The following ASPG variants were observed in gnomAD, a reference collection of about 807,000 sequenced individuals.
ASPG encodes the protein 60 kDa lysophospholipase.
A neutral mutation model predicts 63.2 loss-of-function variants in ASPG; 53 were observed. The observed-to-expected ratio is 0.84, with a 90% confidence interval of 0.67 to 1.05. The LOEUF (loss-of-function observed/expected upper bound fraction) is 1.05. Ranked by LOEUF, ASPG falls within the 50% of genes least tolerant of loss-of-function variation. ASPG has a pLI of 0.00. For missense variants in ASPG, 741 were observed against 794.4 expected (o/e 0.93, Z 0.81); for synonymous variants, 370 against 355.0 (o/e 1.04, Z -0.48).
chr14:104,113,126 G>A lies in ASPG; in HGVS notation c.*582G>A, dbSNP rs1415435860. The A allele has an allele frequency of 7.5e-4, 130 of 172,816 alleles. 1 individual carries two copies. The highest frequency in any genetic ancestry group is 2.1e-4 in the Non-Finnish European group (17 of 80,792). The allele number at this position is 172,816 out of a possible 1,614,324, so 10.7% of individuals were successfully genotyped here. On this transcript the variant is annotated 3_prime_UTR_variant, in exon 16 of 16. Transcript: ENST00000551177. Reference sequence around the variant, plus strand: ...GGTTTTCTGTCACCCCAGTATCGCTGCACCCGGCCCCCCTCTCAGGCCAGG... The same window carrying A: ...GGTTTTCTGTCACCCCAGTATCGCTACACCCGGCCCCCCTCTCAGGCCAGG...
chr14:104,097,930 G>GCGTATGGAGGTTCTGCGTTAGAGATA (rs2036678764), intron 5 of ASPG, among the ~76,000 whole-genome samples: 11 of 45,024 alleles, frequency 2.4e-4, no homozygotes, highest in South Asian at 9.4e-4. Flanking sequence ...CGTTAGAGAT[G>GCGTATGGAGGTTCTGCGTTAGAGATA]CGTATGGAGG....
In ASPG at chr14:104,098,941, A is replaced by G. The variant is rs769472902; in HGVS notation, c.602A>G (p.Asn201Ser). The change falls in exon 6 of 16, where the codon AAC becomes AGC. Residue 201 changes from asparagine to serine, a missense_variant. Physicochemically the swap from Asn to Ser is conservative, Grantham distance 46. Coordinates refer to ENST00000551177, the MANE Select transcript of ASPG (RefSeq NM_001080464.3). ...AGGTTCGCAGCTTTCTGCTCCCCGA[A>G]CCTGCTGCCTCTGGCCACAGTGGGT... ...ARRFAAFCSP[N>S]LLPLATVGAD... The G allele has an allele frequency of 5.6e-6, 9 of 1,603,142 alleles. No individual in the cohort carries two copies. The South Asian group carries it at 9.0e-5, about 16-fold the overall frequency.
In ASPG at chr14:104,111,614, A is replaced by G. The variant is rs1192569275; in HGVS notation, c.1620+13A>G. ...CGCCCTGCACGTCGTGAGTGCCCCC[A>G]CCCCCTGCACCCTCTCCAAAGGCTG... On this transcript the variant is annotated intron_variant, in intron 14 of 15. Coordinates refer to ENST00000551177, the MANE Select transcript of ASPG (RefSeq NM_001080464.3). The G allele has an allele frequency of 1.9e-6, 3 of 1,545,548 alleles. No individual in the cohort carries two copies. In the African/African-American group the frequency reaches 4.1e-5, roughly 21 times the overall value.
rs893896868 is a variant in ASPG at position 104,109,066 on chromosome 14, G to A, written c.1434-163G>A. The A allele has an allele frequency of 2.0e-6, 2 of 985,350 alleles. 1 individual carries two copies. The highest frequency in any genetic ancestry group is 3.5e-5 in the African/African-American group (2 of 57,242). 61.0% of individuals were successfully genotyped at this position (985,350 alleles called of 1,614,324 possible). On this transcript the variant is annotated intron_variant, in intron 12 of 15. Coordinates refer to ENST00000551177, the MANE Select transcript of ASPG (RefSeq NM_001080464.3). The surrounding 1 kb of genome is among the most constrained non-coding windows in gnomAD (Gnocchi z 4.8). ...GGATGATGTCACATGGGCCTAGGCA[G>A]AGGATGGGGGGATGGGCCCTTGTCT...
Position 104,109,334 on chromosome 14 carries a change from C to T in ASPG, c.1520+19C>T. The T allele has an allele frequency of 6.3e-7, 1 of 1,591,148 alleles. No homozygotes were observed. Among genetic ancestry groups the T allele is most frequent in the Non-Finnish European group, 8.6e-7 (1 of 1,167,806 alleles). On this transcript the variant is annotated intron_variant, in intron 13 of 15. Coordinates refer to ENST00000551177, the MANE Select transcript of ASPG (RefSeq NM_001080464.3). The surrounding 1 kb of genome is among the most constrained non-coding windows in gnomAD (Gnocchi z 4.8). The stretch of plus-strand genomic sequence containing the variant: ...TGTGCAGGTGAGTGCAGCTAGAGCA[C>T]CTGCTCTTCCAGGGATGTGGGGGAC...
In ASPG at chr14:104,104,752, G is replaced by A. The variant is rs764291587; in HGVS notation, c.1050+17G>A. The A allele has an allele frequency of 2.5e-6, 4 of 1,573,408 alleles. No individual in the cohort carries two copies. Among genetic ancestry groups the A allele is most frequent in the Non-Finnish European group, 1.7e-6 (2 of 1,154,996 alleles). On this transcript the variant is annotated intron_variant, in intron 9 of 15. Coordinates refer to ENST00000551177, the MANE Select transcript of ASPG (RefSeq NM_001080464.3). ...AGGAAGGAGGTGCGGGCGCTCTCGGGCTGTGGGCAACCCTCGGTGTGCACA... is the reference window on the plus strand; with the variant it reads ...AGGAAGGAGGTGCGGGCGCTCTCGGACTGTGGGCAACCCTCGGTGTGCACA...
rs527597220 is a variant in ASPG at position 104,101,417 on chromosome 14, C to T, written c.641-2146C>T. The stretch of plus-strand genomic sequence containing the variant: ...TGGGAAGTGAGGGGCTGGGCTGGTC[C>T]GGGAGTCATGGGCGGGCTTGGTGCT... On this transcript the variant is annotated intron_variant, in intron 6 of 15. Transcript: ENST00000551177. Among the ~76,000 whole-genome samples the T allele has an allele frequency of 5.3e-5, 8 of 152,094 alleles. No individual in the cohort carries two copies. The South Asian group carries it at 1.5e-3, about 28-fold the overall frequency.
Position 104,085,764 on chromosome 14 carries a change from G to C in ASPG, c.-7G>C. ...CCCCCGTCCACTCCCGTGGTCCCCG[G>C]TCCGGCATGGCGCGCGCGGTGGGGC... On this transcript the variant is annotated 5_prime_UTR_variant, in exon 1 of 16. Coordinates refer to ENST00000551177, the MANE Select transcript of ASPG (RefSeq NM_001080464.3). The C allele has an allele frequency of 1.9e-6, 3 of 1,574,850 alleles. No individual in the cohort carries two copies. The highest frequency in any genetic ancestry group is 2.6e-6 in the Non-Finnish European group (3 of 1,168,708).
chr14:104,112,114 G>A (rs2037401120), intron 15 of ASPG, 114 bp downstream of exon 15: 1 of 1,017,996 alleles, frequency 9.8e-7, no homozygotes. Flanking sequence ...AGGCTGAGAT[G>A]GGTCCCAGCC....
intron 13 of ASPG, chr14:104,111,161 G>A: frequency 2.0e-6 from 2 of 985,386 alleles, no homozygotes; most frequent in Non-Finnish European, 2.4e-6. Flanking sequence ...ATGTGTGTGT[G>A]CACATATGCT....
intron 1 of ASPG, among the ~76,000 whole-genome samples, chr14:104,089,845 G>A (rs1190890465): frequency 2.0e-5 from 3 of 149,880 alleles, no homozygotes; most frequent in Non-Finnish European, 4.4e-5. Flanking sequence ...CTACTCGGGA[G>A]GCTAAGGCAG....
intron 4 of ASPG, among the ~76,000 whole-genome samples, chr14:104,096,936 G>A (rs2036621116): frequency 6.6e-6 from 1 of 152,220 alleles, no homozygotes; most frequent in African/African-American, 2.4e-5. Context: ...GCCCTCCTGG[G>A]ACGCGCTGTT....
chr14:104,097,578 G>GA lies in ASPG; in HGVS notation c.455dup (p.Asp152GlufsTer4). On this transcript the variant is annotated frameshift_variant, in exon 5 of 16. Coordinates refer to ENST00000551177, the MANE Select transcript of ASPG (RefSeq NM_001080464.3). LOFTEE classifies it high-confidence loss of function. ...GGTGCCCATCCATGCCCTGTGGAGC[G>GA]ACGGCCGTGAGAACCTGCTGGGGGC... The GA allele has an allele frequency of 6.4e-7, 1 of 1,558,428 alleles. No individual in the cohort carries two copies. Among genetic ancestry groups the GA allele is most frequent in the Non-Finnish European group, 8.7e-7 (1 of 1,151,650 alleles).
rs200023747 is a variant in ASPG at position 104,095,598 on chromosome 14, C to T, written c.371C>T (p.Ser124Leu). The change falls in exon 4 of 16, where the codon TCG becomes TTG. Residue 124 changes from serine (S) to leucine (L), a missense_variant. Ser to Leu is a moderately radical substitution (Grantham distance 145). Transcript: ENST00000551177. The stretch of plus-strand genomic sequence containing the variant: ...ACCGACACCATGGCCTTTGCTGCCT[C>T]GATGCTGTCCTTCATGCTGGAGAAC... ...HGTDTMAFAA[S>L]MLSFMLENLQ... The T allele has an allele frequency of 4.6e-5, 75 of 1,613,112 alleles. No individual in the cohort carries two copies. Among genetic ancestry groups the T allele is most frequent in the Non-Finnish European group, 3.9e-5 (46 of 1,179,842 alleles).
At chr14:104,107,401 G>A (rs949930916) in intron 12 of ASPG, 56 bp downstream of exon 12, 1 of 1,335,110 alleles carries the variant, frequency 7.5e-7, no homozygotes, top group Non-Finnish European at 9.7e-7. Context: ...CAGAGAGGCT[G>A]TGGGCTCCTG....
intron 1 of ASPG, among the ~76,000 whole-genome samples, chr14:104,089,476 G>A (rs1363372159): frequency 6.6e-6 from 1 of 150,694 alleles, no homozygotes. Flanking sequence ...CCGAGATCTC[G>A]CCACTGCACT....
intron 4 of ASPG, among the ~76,000 whole-genome samples, chr14:104,097,080 C>T (rs1401172421): frequency 6.6e-6 from 1 of 152,158 alleles, no homozygotes; most frequent in East Asian, 1.9e-4. Flanking sequence ...CTCCTTCCAG[C>T]CCATAGTTCT....
chr14:104,094,149 A>G (rs2140990422), intron 3 of ASPG, among the ~76,000 whole-genome samples: 1 of 152,008 alleles, frequency 6.6e-6, no homozygotes, highest in African/African-American at 2.4e-5. Context: ...CCCCCATGCA[A>G]GCTGGGGGTG....
intron 1 of ASPG, among the ~76,000 whole-genome samples, chr14:104,088,422 C>T (rs951834069): frequency 6.6e-6 from 1 of 152,174 alleles, no homozygotes; most frequent in African/African-American, 2.4e-5. Flanking sequence ...CCAAACACGG[C>T]TGATAACCCC....
Sources: allele counts gnomAD v4.1 joint callset (sites outside exome capture counted in the v4.1 genomes callset), GRCh38; gene constraint gnomAD v4.1.1; non-coding constraint Gnocchi (gnomAD v3.1); transcripts MANE v1.5; gene names NCBI Gene and HGNC (gene_info 2026-07-23, HGNC 2026-07-21).